Variants in ENTREP3 observed in about 807,000 individuals in gnomAD.
The protein encoded by ENTREP3 is endosomal transmembrane epsin interactor 3.
chr1:155,254,354 G>A, the ENTREP3 span: 132 of 1,602,604 alleles, frequency 8.2e-5, no homozygotes, highest in Middle Eastern at 1.6e-4. The surrounding 1 kb of genome is among the most constrained non-coding windows in gnomAD (Gnocchi z 4.4). Context: ...TTCCCCTTGC[G>A]TGCTGGGCAC....
At chr1:155,251,572 G>C in the ENTREP3 span, 1 of 1,613,882 alleles carries the variant, frequency 6.2e-7, no homozygotes, top group African/African-American at 1.3e-5. Context: ...CAAGGGCACT[G>C]GGCTGTCCAT....
the ENTREP3 span, chr1:155,251,887 C>T: frequency 6.8e-7 from 1 of 1,460,376 alleles, no homozygotes; most frequent in Non-Finnish European, 9.0e-7. Context: ...GGGCCTGAGA[C>T]TGACCGCTCA....
chr1:155,250,735 C>T, the ENTREP3 span: 1 of 1,613,032 alleles, frequency 6.2e-7, no homozygotes, highest in South Asian at 1.1e-5. The surrounding 1 kb of genome is among the most constrained non-coding windows in gnomAD (Gnocchi z 5.4). Context: ...CCCTGCAGCT[C>T]CAGCAGGCAC....
At chr1:155,251,326 C>T in the ENTREP3 span, among the ~76,000 whole-genome samples, 12 of 152,204 alleles carry the variant, frequency 7.9e-5, no homozygotes, top group Non-Finnish European at 1.5e-4. Flanking sequence ...GAAATGATAG[C>T]TTCCAACCCA....
the ENTREP3 span, among the ~76,000 whole-genome samples, chr1:155,249,082 TTTTG>T: frequency 2.0e-5 from 3 of 151,724 alleles, no homozygotes; most frequent in South Asian, 2.1e-4. Flanking sequence ...TATACATGTT[TTTTG>T]TTTGTTTGTT....
At chr1:155,250,211 C>T in the ENTREP3 span, 6 of 1,416,746 alleles carry the variant, frequency 4.2e-6, no homozygotes, top group Middle Eastern at 5.1e-4. This position sits in a 1 kb window ranked among gnomAD's most constrained non-coding sequence, Gnocchi z 5.4. Context: ...TGGTGGGCAT[C>T]ACTGGCCACC....
At chr1:155,247,317 A>G in the ENTREP3 span, 1 of 455,474 alleles carries the variant, frequency 2.2e-6, no homozygotes, top group Non-Finnish European at 4.4e-6. Flanking sequence ...TTGGGGTTAC[A>G]TAGCTTGCCC....
At chr1:155,250,475 G>C in the ENTREP3 span, 3 of 1,478,896 alleles carry the variant, frequency 2.0e-6, no homozygotes, top group African/African-American at 1.4e-5. This position sits in a 1 kb window ranked among gnomAD's most constrained non-coding sequence, Gnocchi z 5.4. Flanking sequence ...GCCTCAGCTC[G>C]GGGAAGCAGG....
At chr1:155,247,705 A>G in the ENTREP3 span, 114 of 1,351,686 alleles carry the variant, frequency 8.4e-5, 1 homozygote, top group Middle Eastern at 4.1e-3. Context: ...AGCCAGTGCA[A>G]GAGGATGCTG....
At chr1:155,248,619 T>G in the ENTREP3 span, 1 of 687,600 alleles carries the variant, frequency 1.5e-6, no homozygotes, top group Non-Finnish European at 2.6e-6. Context: ...TCTGTCCATA[T>G]TAGCCAGCAA....
At chr1:155,250,223 AAC>A in the ENTREP3 span, 8 of 1,476,062 alleles carry the variant, frequency 5.4e-6, no homozygotes, top group Admixed American at 7.0e-5. This position sits in a 1 kb window ranked among gnomAD's most constrained non-coding sequence, Gnocchi z 5.4. Flanking sequence ...CTGGCCACCT[AAC>A]TCCCAGTGCC....
the ENTREP3 span, chr1:155,254,662 A>G: frequency 2.5e-6 from 4 of 1,607,716 alleles, no homozygotes; most frequent in Non-Finnish European, 3.4e-6. This position sits in a 1 kb window ranked among gnomAD's most constrained non-coding sequence, Gnocchi z 4.4. Flanking sequence ...CCGAGAACCC[A>G]GCCCAAGACG....
At chr1:155,252,403 CTT>C in the ENTREP3 span, among the ~76,000 whole-genome samples, 1 of 151,608 alleles carries the variant, frequency 6.6e-6, no homozygotes, top group African/African-American at 2.4e-5. Context: ...AAGTTTCACT[CTT>C]GTCGCCCAGG....
chr1:155,252,652 G>T, the ENTREP3 span: 1 of 135,250 alleles, frequency 7.4e-6, no homozygotes, highest in Admixed American at 7.7e-5. Context: ...TTACAGGCAT[G>T]AGCCACGGAG....
chr1:155,253,801 C>T, the ENTREP3 span: 1 of 1,610,642 alleles, frequency 6.2e-7, no homozygotes, highest in Non-Finnish European at 8.5e-7. Flanking sequence ...CCTGTGAGTA[C>T]CCCAGCAGGG....
At chr1:155,254,181 GAGA>G in the ENTREP3 span, 18 of 1,613,664 alleles carry the variant, frequency 1.1e-5, no homozygotes, top group South Asian at 2.2e-5. This position sits in a 1 kb window ranked among gnomAD's most constrained non-coding sequence, Gnocchi z 4.4. Flanking sequence ...CGAAAGCAAG[GAGA>G]AGAAGGAGAT....
At chr1:155,254,263 C>T in the ENTREP3 span, 11 of 1,478,346 alleles carry the variant, frequency 7.4e-6, no homozygotes, top group Non-Finnish European at 3.8e-6. The surrounding 1 kb of genome is among the most constrained non-coding windows in gnomAD (Gnocchi z 4.4). Context: ...GGACAGAGTC[C>T]CCCTCCTTCA....
At chr1:155,247,548 G>A in the ENTREP3 span, 4 of 709,718 alleles carry the variant, frequency 5.6e-6, no homozygotes, top group Non-Finnish European at 1.0e-5. Flanking sequence ...CTATAAGAAG[G>A]GGCATCTCCC....
the ENTREP3 span, chr1:155,254,719 C>A: frequency 1.2e-6 from 2 of 1,613,340 alleles, no homozygotes; most frequent in African/African-American, 1.3e-5. The surrounding 1 kb of genome is among the most constrained non-coding windows in gnomAD (Gnocchi z 4.4). Context: ...AAGAGGCCAC[C>A]ATGCTGAAGG....
Sources: gnomAD v4.1 joint callset for allele counts (sites outside exome capture counted in the v4.1 genomes callset) on GRCh38, gnomAD v4.1.1 for gene constraint, Gnocchi (gnomAD v3.1) non-coding constraint, MANE v1.5 for transcripts, NCBI Gene and HGNC (gene_info 2026-07-23, HGNC 2026-07-21) for gene names.